Variants in POLK observed in about 807,000 individuals in gnomAD.
POLK encodes the protein polymerase (DNA directed) kappa.
Under a neutral mutation model 94.0 loss-of-function variants are expected in POLK, and 76 were observed. The observed-to-expected ratio is 0.81, with a 90% CI of 0.67 to 0.98. The LOEUF (loss-of-function observed/expected upper bound fraction) is 0.98. Among genes scored for constraint, POLK ranks in the 50% least tolerant of loss-of-function variants. The pLI is 0.00. For missense variants in POLK, 954 were observed against 1,010.1 expected (o/e 0.94, Z 0.75); for synonymous variants, 349 against 325.4 (o/e 1.07, Z -0.78).
At chr5:75,517,171 T>G (rs944962221) in intron 1 of POLK, among the ~76,000 whole-genome samples, 2 of 150,648 alleles carry the variant, frequency 1.3e-5, no homozygotes, top group African/African-American at 2.5e-5. Flanking sequence ...CTTTTTCTAT[T>G]TCTGTGAAGA....
At chr5:75,587,824 G>T (rs898559629) in intron 10 of POLK, among the ~76,000 whole-genome samples, 2 of 152,110 alleles carry the variant, frequency 1.3e-5, no homozygotes, top group African/African-American at 4.8e-5. Flanking sequence ...GGTGGCTGAG[G>T]CACAAGAATT....
chr5:75,511,361 G>C (rs1171254044), upstream of POLK: 1 of 1,546,010 alleles, frequency 6.5e-7, no homozygotes, highest in African/African-American at 1.4e-5. Context: ...AAGTCCGCCC[G>C]CCGCGCCGCC....
At chr5:75,532,305 G>T (rs1251296140) in intron 1 of POLK, among the ~76,000 whole-genome samples, 1 of 151,940 alleles carries the variant, frequency 6.6e-6, no homozygotes, top group Non-Finnish European at 1.5e-5. Context: ...AAGTTTAACT[G>T]CCACTTATAA....
chr5:75,532,819 C>T (rs530599453), intron 1 of POLK, among the ~76,000 whole-genome samples: 2 of 152,254 alleles, frequency 1.3e-5, no homozygotes, highest in East Asian at 3.9e-4. Context: ...TTTTGATTTG[C>T]AGTTCTCTAA....
intron 7 of POLK, chr5:75,582,450 C>A (rs1488843081): frequency 1.3e-5 from 2 of 152,092 alleles, no homozygotes; most frequent in Non-Finnish European, 2.9e-5. Context: ...TGTGAAACAT[C>A]TTTTTGAAAA....
chr5:75,536,684 G>A (rs1170499457), intron 1 of POLK, among the ~76,000 whole-genome samples: 1 of 152,158 alleles, frequency 6.6e-6, no homozygotes, highest in Non-Finnish European at 1.5e-5. Context: ...TGCCATAGAA[G>A]CAGGACCCCT....
chr5:75,511,336 G>A, upstream of POLK: 1 of 1,545,702 alleles, frequency 6.5e-7, no homozygotes, highest in Non-Finnish European at 8.7e-7. Flanking sequence ...GTGGGGGGGA[G>A]CAGGAGGAGG....
At chr5:75,570,761 G>A (rs1181338761) in intron 4 of POLK, among the ~76,000 whole-genome samples, 4 of 152,108 alleles carry the variant, frequency 2.6e-5, no homozygotes, top group African/African-American at 9.7e-5. Flanking sequence ...AGAAAAACAA[G>A]AAGAGTTCTT....
At chr5:75,529,958 A>G (rs1769072115) in intron 1 of POLK, among the ~76,000 whole-genome samples, 1 of 152,198 alleles carries the variant, frequency 6.6e-6, no homozygotes, top group Admixed American at 6.5e-5. Context: ...GTTGACTCAA[A>G]TTCACATGAA....
intron 3 of POLK, among the ~76,000 whole-genome samples, chr5:75,556,505 T>G (rs1184089792): frequency 1.3e-5 from 2 of 152,156 alleles, no homozygotes; most frequent in African/African-American, 2.4e-5. Context: ...GAGCAGAAAT[T>G]TTTAATTTTA....
chr5:75,526,593 T>A (rs1768861609), intron 1 of POLK, among the ~76,000 whole-genome samples: 2 of 149,924 alleles, frequency 1.3e-5, no homozygotes, highest in African/African-American at 4.9e-5. Context: ...TTTTTCTTTT[T>A]TTTTTGGAGA....
chr5:75,556,758 A>G (rs923571816), intron 3 of POLK, among the ~76,000 whole-genome samples: 1 of 149,806 alleles, frequency 6.7e-6, no homozygotes, highest in Non-Finnish European at 1.5e-5. Context: ...TTCCAGCACA[A>G]TTTGTTAAAA....
At chr5:75,559,391 A>G (rs181077086) in intron 3 of POLK, among the ~76,000 whole-genome samples, 1 of 152,156 alleles carries the variant, frequency 6.6e-6, no homozygotes, top group Non-Finnish European at 1.5e-5. Context: ...AAATTGTTGT[A>G]TAAGAACATG....
rs148467624 is a variant in POLK at position 75,539,426 on chromosome 5, CA to C, written c.-13-7582del. Among the ~76,000 whole-genome samples, 1,099 of 152,256 alleles carry C rather than the reference CA, an allele frequency of 7.2e-3. 7 individuals are homozygous for C. Among genetic ancestry groups the C allele is most frequent in the Non-Finnish European group, 0.011 (742 of 68,016 alleles). Reference sequence around the variant, plus strand: ...TCTTTTAAAATTCATCAATATTAAACAACTGTTATTGCGGTCTTTGAGTTGG... The same window carrying C: ...TCTTTTAAAATTCATCAATATTAAACACTGTTATTGCGGTCTTTGAGTTGG... On this transcript the variant is annotated intron_variant, in intron 1 of 14. Coordinates refer to ENST00000241436, the Ensembl canonical transcript of POLK.
intron 1 of POLK, among the ~76,000 whole-genome samples, chr5:75,544,670 T>A (rs1047587492): frequency 3.3e-5 from 5 of 151,898 alleles, no homozygotes; most frequent in Non-Finnish European, 5.9e-5. Context: ...AATGAATGAA[T>A]ATGAATAACA....
At chr5:75,526,186 T>C (rs1216520430) in intron 1 of POLK, among the ~76,000 whole-genome samples, 1 of 152,046 alleles carries the variant, frequency 6.6e-6, no homozygotes, top group Non-Finnish European at 1.5e-5. Context: ...TGTAGAGAGG[T>C]TGGCTGTATC....
intron 4 of POLK, among the ~76,000 whole-genome samples, chr5:75,572,003 C>T (rs566207028): frequency 6.6e-6 from 1 of 152,278 alleles, no homozygotes; most frequent in South Asian, 2.1e-4. Context: ...TGAGTACTAT[C>T]AAGATGTTTT....
At chr5:75,571,255 A>G (rs976457928) in intron 4 of POLK, among the ~76,000 whole-genome samples, 4 of 152,222 alleles carry the variant, frequency 2.6e-5, no homozygotes, top group Admixed American at 6.5e-5. Context: ...AACATATGAA[A>G]GTATATCTAC....
chr5:75,600,695 T>A (rs141439897), exon 15 of POLK: 12 of 152,172 alleles, frequency 7.9e-5, no homozygotes, highest in Non-Finnish European at 1.5e-4. Flanking sequence ...GCATTTATAT[T>A]GAAACAGTAG....
Sources: allele counts gnomAD v4.1 joint callset (sites outside exome capture counted in the v4.1 genomes callset), GRCh38; gene constraint gnomAD v4.1.1; transcripts MANE v1.5; gene names NCBI Gene and HGNC (gene_info 2026-07-23, HGNC 2026-07-21).